Variants in BNIP2 observed in about 807,000 individuals in gnomAD.
BNIP2 encodes BCL2 interacting protein 2.
In BNIP2, 36 loss-of-function variants were observed where a neutral mutation model predicts 43.4. That is an observed-to-expected ratio of 0.83 (90% confidence interval 0.64 to 1.10). The LOEUF is 1.10. BNIP2 is among the 50% of genes least tolerant of loss of function. The pLI is 0.00. For missense variants in BNIP2, 417 were observed against 374.1 expected, an observed-to-expected ratio of 1.11 and a Z score of -0.95; for synonymous variants, 146 against 121.0, an observed-to-expected ratio of 1.21 and a Z score of -1.35.
intron 9 of BNIP2, among the ~76,000 whole-genome samples, chr15:59,665,939 T>G (rs1254435953): frequency 2.0e-5 from 3 of 149,146 alleles, no homozygotes; most frequent in Non-Finnish European, 3.0e-5. Context: ...AAAGTAACAT[T>G]TTAAAATATT....
intron 1 of BNIP2, chr15:59,688,759 C>G (rs1180621941): frequency 2.0e-6 from 3 of 1,535,544 alleles, no homozygotes; most frequent in Middle Eastern, 3.3e-4. Context: ...TTGTTCTGTA[C>G]CAGGACGGAC....
rs575862932 is a variant in BNIP2, at chr15:59,678,192, C to T, written c.296-105G>A. On this transcript the variant is annotated intron_variant, in intron 4 of 9. Transcript: ENST00000607373. ...GATTTTACAGAGAATTTTCATTATA[C>T]CATCTGCACAATTTTCAATCTCTCT... is the stretch of plus-strand genomic sequence containing the variant. 5,545 of 1,426,962 alleles carry T rather than the reference C, an allele frequency of 3.9e-3. 19 individuals are homozygous for T. The highest frequency in any genetic ancestry group is 4.7e-3 in the Non-Finnish European group (5,168 of 1,095,258). The allele number at this position is 1,426,962 out of a possible 1,614,324, so 88.4% of individuals were successfully genotyped here. A position where few individuals can be genotyped will look rare whatever the true frequency, so the allele number is the denominator to read the frequency against.
chr15:59,682,387 T>C (rs753026453), intron 2 of BNIP2, 21 bp downstream of exon 2: 2 of 1,576,422 alleles, frequency 1.3e-6, no homozygotes, highest in South Asian at 2.3e-5. Flanking sequence ...AAAATTGTTT[T>C]CTTTTAAAAG....
chr15:59,687,446 G>C (rs1894095923), intron 1 of BNIP2, among the ~76,000 whole-genome samples: 1 of 151,094 alleles, frequency 6.6e-6, no homozygotes, highest in African/African-American at 2.4e-5. Flanking sequence ...CCACCTCCCA[G>C]GTTCAAGTGA....
intron 5 of BNIP2, among the ~76,000 whole-genome samples, chr15:59,677,518 G>A (rs190633071): frequency 6.6e-6 from 1 of 152,280 alleles, no homozygotes; most frequent in Admixed American, 6.5e-5. Flanking sequence ...TGTTTTCCTT[G>A]TAAGGTTTTG....
In BNIP2 at chr15:59,680,565, C is replaced by T. The variant is rs765593479; in HGVS notation, c.51-257G>A. 1.4e-4 allele frequency among the ~76,000 whole-genome samples: 22 copies of T among 152,206 alleles called. 1 individual carries two copies. Among genetic ancestry groups the T allele is most frequent in the Admixed American group, 6.5e-4 (10 of 15,280 alleles). On this transcript the variant is annotated intron_variant, in intron 2 of 9. Transcript: ENST00000607373. ...CTAAGACTACAGGTGCGTGCCACGA[C>T]GCTTGGCTAATTTTTAGTAGAGACA...
At chr15:59,669,541 C>T (rs2141993209) in intron 7 of BNIP2, among the ~76,000 whole-genome samples, 179 bp from the exon 8 acceptor site, 1 of 152,360 alleles carries the variant, frequency 6.6e-6, no homozygotes, top group Middle Eastern at 3.4e-3. Flanking sequence ...CCTCCTACTG[C>T]TATGAAATGA....
In BNIP2 at chr15:59,689,287, C is replaced by A. The variant is rs551965260; in HGVS notation, c.-210G>T. 2 of 1,545,828 alleles carry A rather than the reference C, an allele frequency of 1.3e-6. No individual in the cohort carries two copies. Among genetic ancestry groups the A allele is most frequent in the South Asian group, 2.4e-5 (2 of 83,974 alleles). On this transcript the variant is annotated 5_prime_UTR_variant, in exon 1 of 10. Transcript: ENST00000607373. The stretch of plus-strand genomic sequence containing the variant: ...GCCCAATCCCCCGGCCGCAGCGGTA[C>A]GGCGTCGGCGGCAGCAGCTGACCCG...
chr15:59,674,099 AAC>A (rs1491069347), intron 5 of BNIP2, among the ~76,000 whole-genome samples: 11 of 149,330 alleles, frequency 7.4e-5, no homozygotes, highest in Middle Eastern at 3.5e-3. Context: ...TCAAAAAAAA[AAC>A]AAAAACAAAA....
intron 1 of BNIP2, chr15:59,688,593 G>C: frequency 2.0e-6 from 2 of 1,009,396 alleles, no homozygotes; most frequent in East Asian, 2.6e-5. Context: ...AAACAGAAAG[G>C]GTTGTGTCTA....
chr15:59,678,472 T>C (rs1893451297), intron 4 of BNIP2: 2 of 1,067,994 alleles, frequency 1.9e-6, no homozygotes, highest in Non-Finnish European at 1.1e-6. Flanking sequence ...CAAGTAGCTA[T>C]CTGGGAGCCA....
chr15:59,687,212 T>C (rs1473592723), intron 1 of BNIP2, among the ~76,000 whole-genome samples: 1 of 152,174 alleles, frequency 6.6e-6, no homozygotes, highest in African/African-American at 2.4e-5. Context: ...CTAACTGATG[T>C]CTCAGTTTGT....
intron 7 of BNIP2, among the ~76,000 whole-genome samples, chr15:59,670,490 A>C (rs1390647591): frequency 6.6e-6 from 1 of 152,206 alleles, no homozygotes; most frequent in African/African-American, 2.4e-5. Context: ...GGCAAAACTC[A>C]ATGTAATGAA....
chr15:59,678,871 T>C (rs1003814162), intron 4 of BNIP2: 9 of 1,301,328 alleles, frequency 6.9e-6, no homozygotes, highest in Admixed American at 2.3e-5. Context: ...ACAAAACACA[T>C]AGGCACAAAA....
At chr15:59,676,536 T>C (rs575091100) in intron 5 of BNIP2, among the ~76,000 whole-genome samples, 1 of 152,310 alleles carries the variant, frequency 6.6e-6, no homozygotes, top group South Asian at 2.1e-4. Context: ...ACTTACTGTA[T>C]GCATATAATC....
At chr15:59,685,984 T>C (rs1404867433) in intron 1 of BNIP2, among the ~76,000 whole-genome samples, 5 of 152,240 alleles carry the variant, frequency 3.3e-5, no homozygotes, top group Admixed American at 3.3e-4. Context: ...AATAACACTT[T>C]AAGATGATAT....
At position 59,680,957 on chromosome 15, in the gene BNIP2, T is replaced by C. The variant is rs773107410; in HGVS notation, c.51-649A>G. Among the ~76,000 whole-genome samples, 37 of 152,174 alleles carry C rather than the reference T, an allele frequency of 2.4e-4. 1 individual carries two copies. Among genetic ancestry groups the C allele is most frequent in the Non-Finnish European group, 5.3e-4 (36 of 68,028 alleles). On this transcript the variant is annotated intron_variant, in intron 2 of 9. Transcript: ENST00000607373. ...GACTTATACACTTATTATATATAAG[T>C]AACACATAAAAGTAGATATAAATTC...
At chr15:59,667,956 G>A in intron 9 of BNIP2, 2 of 388,892 alleles carry the variant, frequency 5.1e-6, no homozygotes, top group South Asian at 2.8e-5. Context: ...AGGAACTCTG[G>A]GTTCACCCTG....
chr15:59,673,119 G>A (rs1482135605), intron 5 of BNIP2, among the ~76,000 whole-genome samples: 2 of 140,854 alleles, frequency 1.4e-5, no homozygotes, highest in East Asian at 4.6e-4. Context: ...GTTAAAGTGG[G>A]TGCTTTTTTT....
Sources: gnomAD v4.1 joint callset for allele counts (sites outside exome capture counted in the v4.1 genomes callset) on GRCh38, gnomAD v4.1.1 for gene constraint, MANE v1.5 for transcripts, NCBI Gene and HGNC (gene_info 2026-07-23, HGNC 2026-07-21) for gene names.